ZSWIM9: variants seen among roughly 807,000 people sequenced by gnomAD.
The protein encoded by ZSWIM9 is zinc finger SWIM-type containing 9, also known as uncharacterized protein ZSWIM9.
In ZSWIM9, 11 loss-of-function variants were observed where a neutral mutation model predicts 25.0. That is an observed-to-expected ratio of 0.44 (90% CI 0.28 to 0.73). The LOEUF (loss-of-function observed/expected upper bound fraction) is 0.73. ZSWIM9 is among the 30% of genes least tolerant of loss of function. The pLI, the probability that ZSWIM9 is intolerant of heterozygous loss-of-function variation, is 0.16. For synonymous variants in ZSWIM9, 562 were observed against 582.1 expected, an observed-to-expected ratio of 0.97 and a Z score of 0.50; for missense variants, 1,070 against 1,296.5, an observed-to-expected ratio of 0.83 and a Z score of 2.68.
intron 2 of ZSWIM9, 65 bp downstream of exon 2, chr19:48,172,142 G>GGGGC: frequency 7.3e-6 from 4 of 546,416 alleles, no homozygotes; most frequent in African/African-American, 1.9e-5. Context: ...GTGTGGGTGG[G>GGGGC]AGACGGGCAG....
At chr19:48,177,086 A>T (rs1443893550) in intron 2 of ZSWIM9, among the ~76,000 whole-genome samples, 4 of 140,260 alleles carry the variant, frequency 2.9e-5, no homozygotes, top group Admixed American at 7.0e-5. Context: ...AATAAAAATT[A>T]AAAAAAAATA....
In ZSWIM9 at chr19:48,195,251, C is replaced by A. The variant is rs2037144702; in HGVS notation, c.1187C>A (p.Ala396Glu). 1.3e-6 allele frequency: 2 copies of A among 1,529,502 alleles called. No homozygotes were observed. Among genetic ancestry groups the A allele is most frequent in the South Asian group, 1.2e-5 (1 of 83,950 alleles). The allele number at this position is 1,529,502 out of a possible 1,614,324, so 94.7% of individuals were successfully genotyped here. A position where few individuals can be genotyped will look rare whatever the true frequency, so the allele number is the denominator to read the frequency against. The change falls in exon 4 of 4, where the codon GCG (alanine) becomes GAG (glutamate). Residue 396 changes from alanine (A) to glutamate (E), a missense_variant. Physicochemically the swap from Ala to Glu is moderately radical, Grantham distance 107 (BLOSUM62 -1). Around this residue, in one of 4 missense-constraint regions of ZSWIM9, gnomAD observed 184 missense variants for 243.1 expected, o/e 0.76. Coordinates refer to ENST00000614654, the MANE Select transcript of ZSWIM9 (RefSeq NM_199341.4). This position sits in a 1 kb window ranked among gnomAD's most constrained non-coding sequence, Gnocchi z 5.8. ...DMWVRFRAFE[A>E]ARDLDACALV... ...TGGGTCCGCTTCCGCGCCTTCGAGG[C>A]GGCCAGAGACCTGGACGCGTGTGCC...
rs12973411 is a variant in ZSWIM9 at position 48,194,704 on chromosome 19, C to T, written c.640C>T (p.Leu214=). ...DQAVVETVFF[L]TSRTRALLRR... ...GGCTGTGGTGGAGACGGTGTTCTTC[C>T]TGACGTCGCGCACCAGGGCGCTGCT... The change falls in exon 4 of 4, where the codon CTG becomes TTG. Residue 214 remains leucine, a synonymous_variant. Transcript: ENST00000614654. This position sits in a 1 kb window ranked among gnomAD's most constrained non-coding sequence, Gnocchi z 6.0. The T allele has an allele frequency of 0.46, 694,866 of 1,526,010 alleles. 159,575 individuals carry two copies. Among genetic ancestry groups the T allele is most frequent in the African/African-American group, 0.5 (36,308 of 72,576 alleles). 94.5% of individuals were successfully genotyped at this position (1,526,010 alleles called of 1,614,324 possible). A position where few individuals can be genotyped will look rare whatever the true frequency, so the allele number is the denominator to read the frequency against.
chr19:48,178,300 G>A (rs924038869), intron 2 of ZSWIM9, among the ~76,000 whole-genome samples: 1 of 152,184 alleles, frequency 6.6e-6, no homozygotes, highest in Admixed American at 6.5e-5. Context: ...TAGGAAAAAA[G>A]GGGTGTGTCA....
rs139307009 is a variant in ZSWIM9 at position 48,197,221 on chromosome 19, G to T, written c.*394G>T. On this transcript the variant is annotated 3_prime_UTR_variant, in exon 4 of 4. Coordinates refer to ENST00000614654, the MANE Select transcript of ZSWIM9 (RefSeq NM_199341.4). ...GACTGGCCAGTCTAGGGAGTGCAGCGGGGAGAGGGGAAAGGGAGAAAGTAC... is the reference window on the plus strand; with the variant it reads ...GACTGGCCAGTCTAGGGAGTGCAGCTGGGAGAGGGGAAAGGGAGAAAGTAC... 7.3e-5 allele frequency: 51 copies of T among 702,404 alleles called. No homozygotes were observed. The East Asian group carries it at 1.2e-3, about 17-fold the overall frequency. The allele number at this position is 702,404 out of a possible 1,614,324, so 43.5% of individuals were successfully genotyped here.
chr19:48,182,741 C>T lies in ZSWIM9; in HGVS notation c.562C>T (p.Leu188Phe). The change falls in exon 3 of 4, where the codon CTC becomes TTC. Residue 188 changes from leucine to phenylalanine, a missense_variant. Physicochemically the swap from Leu to Phe is conservative, Grantham distance 22. Transcript: ENST00000614654. The surrounding 1 kb of genome is among the most constrained non-coding windows in gnomAD (Gnocchi z 4.6). ...GGACGCCCTGCACGTGCTCGAGGGC[C>T]TCTTCCGCACCGACCCCGAGGCCAA... ...VLDALHVLEG[L>F]FRTDPEAKVK... 1 of 1,529,440 alleles carries T rather than the reference C, an allele frequency of 6.5e-7. No individual in the cohort carries two copies. The highest frequency in any genetic ancestry group is 8.8e-7 in the Non-Finnish European group (1 of 1,141,624). 94.7% of individuals were successfully genotyped at this position (1,529,440 alleles called of 1,614,324 possible). A position where few individuals can be genotyped will look rare whatever the true frequency, so the allele number is the denominator to read the frequency against.
chr19:48,180,325 A>ATTTTT (rs33956249), intron 2 of ZSWIM9, among the ~76,000 whole-genome samples: 1 of 140,338 alleles, frequency 7.1e-6, no homozygotes, highest in Non-Finnish European at 1.5e-5. Flanking sequence ...CATTCTTCCA[A>ATTTTT]TTTTTTTTTT....
chr19:48,179,648 G>C (rs935939008), intron 2 of ZSWIM9, among the ~76,000 whole-genome samples: 5 of 152,224 alleles, frequency 3.3e-5, no homozygotes, highest in African/African-American at 4.8e-5. Context: ...ATTCGTAACA[G>C]AGGAGAACTG....
chr19:48,182,792 G>C lies in ZSWIM9; in HGVS notation c.588+25G>C. 1 of 1,498,032 alleles carries C rather than the reference G, an allele frequency of 6.7e-7. No individual in the cohort carries two copies. Among genetic ancestry groups the C allele is most frequent in the Non-Finnish European group, 8.9e-7 (1 of 1,121,202 alleles). 92.8% of individuals were successfully genotyped at this position (1,498,032 alleles called of 1,614,324 possible). On this transcript the variant is annotated intron_variant, in intron 3 of 3. Transcript: ENST00000614654. The surrounding 1 kb of genome is among the most constrained non-coding windows in gnomAD (Gnocchi z 4.6). ...GGTGGGGTCTCGAGAGAGGCAGGCC[G>C]GGGGAGGGGGCGGGGGAAAGCCGCG...
Position 48,196,299 on chromosome 19 carries a change from C to T in ZSWIM9, c.2235C>T (p.Ala745=), listed in dbSNP as rs1386225007. The change falls in exon 4 of 4, where the codon GCC becomes GCT. Residue 745 remains alanine (A), a synonymous_variant. Coordinates refer to ENST00000614654, the MANE Select transcript of ZSWIM9 (RefSeq NM_199341.4). Reference sequence around the variant, plus strand: ...GGTCCGTGGGCCCCAAGAGCCGAGCCGGACGAGGGATGGAGTGGGGAGACG... The same window carrying T: ...GGTCCGTGGGCCCCAAGAGCCGAGCTGGACGAGGGATGGAGTGGGGAGACG... ...GARSVGPKSR[A]GRGMEWGDAG... is the part of the protein sequence containing the mutation. 1.6e-6 allele frequency: 2 copies of T among 1,233,612 alleles called. No homozygotes were observed. Among genetic ancestry groups the T allele is most frequent in the Non-Finnish European group, 2.0e-6 (2 of 989,148 alleles). The allele number at this position is 1,233,612 out of a possible 1,614,324, so 76.4% of individuals were successfully genotyped here. A position where few individuals can be genotyped will look rare whatever the true frequency, so the allele number is the denominator to read the frequency against.
chr19:48,175,642 G>A (rs1265807525), intron 2 of ZSWIM9, among the ~76,000 whole-genome samples: 2 of 152,072 alleles, frequency 1.3e-5, no homozygotes, highest in African/African-American at 4.8e-5. Flanking sequence ...GACGATGTGG[G>A]GGAGAGAGAA....
At chr19:48,183,525 A>G (rs2036977542) in intron 3 of ZSWIM9, among the ~76,000 whole-genome samples, 1 of 152,194 alleles carries the variant, frequency 6.6e-6, no homozygotes, top group Admixed American at 6.5e-5. Flanking sequence ...TCTGGCGGGA[A>G]AAACCAACAA....
In ZSWIM9 at chr19:48,196,878, C is replaced by A; in HGVS notation, c.*51C>A. The A allele has an allele frequency of 8.0e-7, 1 of 1,249,058 alleles. No homozygotes were observed. Among genetic ancestry groups the A allele is most frequent in the Non-Finnish European group, 1.0e-6 (1 of 997,974 alleles). 77.4% of individuals were successfully genotyped at this position (1,249,058 alleles called of 1,614,324 possible). On this transcript the variant is annotated 3_prime_UTR_variant, in exon 4 of 4. Transcript: ENST00000614654. ...TCCACCAGGAGGGTCGGAGGGCATT[C>A]TTCGATCCCAAAGATAATAGGGCTG...
chr19:48,197,497 A>AC lies in ZSWIM9; in HGVS notation c.*675dup. On this transcript the variant is annotated 3_prime_UTR_variant, in exon 4 of 4. Coordinates refer to ENST00000614654, the MANE Select transcript of ZSWIM9 (RefSeq NM_199341.4). Reference sequence around the variant, plus strand: ...TTTTCTCCAAGACCTGGAGACATCGACCCCCATCGCCTTCTGAAGAGAGAG... The same window carrying AC: ...TTTTCTCCAAGACCTGGAGACATCGACCCCCCATCGCCTTCTGAAGAGAGAG... 1.8e-6 allele frequency: 1 copy of AC among 551,594 alleles called. No homozygotes were observed. Among genetic ancestry groups the AC allele is most frequent in the South Asian group, 2.3e-5 (1 of 43,194 alleles). 34.2% of individuals were successfully genotyped at this position (551,594 alleles called of 1,614,324 possible). A position where few individuals can be genotyped will look rare whatever the true frequency, so the allele number is the denominator to read the frequency against.
chr19:48,187,583 TATTATATA>T (rs1401798244), intron 3 of ZSWIM9: 1 of 68,588 alleles, frequency 1.5e-5, no homozygotes, highest in African/African-American at 4.6e-5. Context: ...ATATATTATA[TATTATATA>T]ATATAATATT....
Position 48,196,899 on chromosome 19 carries a change from G to A in ZSWIM9, c.*72G>A. ...CATTCTTCGATCCCAAAGATAATAG[G>A]GCTGAGGCCAAGGAGACCGTTGCAG... On this transcript the variant is annotated 3_prime_UTR_variant, in exon 4 of 4. Transcript: ENST00000614654. 8.0e-7 allele frequency: 1 copy of A among 1,249,952 alleles called. No individual in the cohort carries two copies. The allele number at this position is 1,249,952 out of a possible 1,614,324, so 77.4% of individuals were successfully genotyped here.
chr19:48,187,361 A>G (rs2037024965), intron 3 of ZSWIM9, among the ~76,000 whole-genome samples: 1 of 103,084 alleles, frequency 9.7e-6, no homozygotes, highest in Admixed American at 1.5e-4. Flanking sequence ...ATAATACAGT[A>G]GTAATATAAC....
At position 48,195,405 on chromosome 19, in the gene ZSWIM9, C is replaced by T. The variant is rs1599938395; in HGVS notation, c.1341C>T (p.Pro447=). ...CCGGGGAGGCGGTGCCCGAGGGGCC[C>T]GATGGCGGGGGGCCTTGGCTGGAGG... ...DAAGEAVPEG[P]DGGGPWLEDE... is the part of the protein sequence containing the mutation. The change falls in exon 4 of 4, where the codon CCC becomes CCT. Residue 447 remains proline (P), a synonymous_variant. Transcript: ENST00000614654. The surrounding 1 kb of genome is among the most constrained non-coding windows in gnomAD (Gnocchi z 5.8). 2 of 1,467,310 alleles carry T rather than the reference C, an allele frequency of 1.4e-6. No homozygotes were observed. Among genetic ancestry groups the T allele is most frequent in the Admixed American group, 5.1e-5 (2 of 39,062 alleles). The allele number at this position is 1,467,310 out of a possible 1,614,324, so 90.9% of individuals were successfully genotyped here.
At chr19:48,188,859 G>A (rs187947111) in intron 3 of ZSWIM9, among the ~76,000 whole-genome samples, 92 of 151,786 alleles carry the variant, frequency 6.1e-4, no homozygotes, top group Non-Finnish European at 8.4e-4. Flanking sequence ...GTGAAACCCC[G>A]TCTCTACTAA....
Sources: gnomAD v4.1 joint callset for allele counts (sites outside exome capture counted in the v4.1 genomes callset) on GRCh38, gnomAD v4.1.1 for gene constraint, gnomAD v4.1.1 regional missense constraint, Gnocchi (gnomAD v3.1) non-coding constraint, MANE v1.5 for transcripts, NCBI Gene and HGNC (gene_info 2026-07-23, HGNC 2026-07-21) for gene names.